Variants in RASSF5 observed in about 807,000 individuals in gnomAD.
RASSF5 encodes Ras association domain family member 5, also known as ras association domain-containing protein 5.
RASSF5 carries 25 observed loss-of-function variants against 40.5 expected under a neutral mutation model. That is an observed-to-expected ratio of 0.62 (90% CI 0.45 to 0.86). The LOEUF (loss-of-function observed/expected upper bound fraction) is 0.86, where lower values mean the gene tolerates loss of function less well. Among genes scored for constraint, RASSF5 ranks in the 40% least tolerant of loss-of-function variants. RASSF5 has a pLI of 0.00. For missense variants in RASSF5, 521 were observed against 572.8 expected (o/e 0.91, Z 0.92); for synonymous variants, 246 against 252.4 (o/e 0.97, Z 0.24).
rs1337284981 is a variant in RASSF5 at position 206,560,638 on chromosome 1, G to A, written c.579+22345G>A. ...GATCGTGTTTCTCTGGGTCAGGCATGTCACAAATGGGGCCTGGGGGAGAGC... is the reference window on the plus strand; with the variant it reads ...GATCGTGTTTCTCTGGGTCAGGCATATCACAAATGGGGCCTGGGGGAGAGC... On this transcript the variant is annotated intron_variant, in intron 2 of 5. Transcript: ENST00000579436. The surrounding 1 kb of genome is among the most constrained non-coding windows in gnomAD (Gnocchi z 5.1). 2.6e-5 allele frequency among the ~76,000 whole-genome samples: 4 copies of A among 152,238 alleles called. No homozygotes were observed. The highest frequency in any genetic ancestry group is 4.4e-5 in the Non-Finnish European group (3 of 68,042).
intron 5 of RASSF5, 100 bp downstream of exon 5, chr1:206,585,395 G>A (rs1349305964): frequency 1.2e-6 from 1 of 832,076 alleles, no homozygotes; most frequent in African/African-American, 1.7e-5. Flanking sequence ...GAGCCACGCA[G>A]CACGGGCAGG....
chr1:206,545,345 GT>G (rs10709687), intron 2 of RASSF5, among the ~76,000 whole-genome samples: 70,251 of 130,010 alleles, frequency 0.54, 19,149 homozygotes, highest in Middle Eastern at 0.63. Context: ...AATTTCTTGT[GT>G]TTTTTTTTTT....
intron 2 of RASSF5, among the ~76,000 whole-genome samples, chr1:206,582,360 G>A (rs1447836935): frequency 6.6e-6 from 1 of 152,184 alleles, no homozygotes; most frequent in African/African-American, 2.4e-5. Flanking sequence ...TCTCACAGGA[G>A]GAACACAATG....
At chr1:206,564,609 C>T (rs1173672408) in intron 2 of RASSF5, among the ~76,000 whole-genome samples, 2 of 152,128 alleles carry the variant, frequency 1.3e-5, no homozygotes, top group South Asian at 2.1e-4. Flanking sequence ...TTGGGGACCT[C>T]GATTCTCTTC....
chr1:206,542,073 A>C (rs1251882851), intron 2 of RASSF5: 1 of 152,242 alleles, frequency 6.6e-6, no homozygotes, highest in African/African-American at 2.4e-5. Context: ...CATAAGCACT[A>C]TTCCTTCTAC....
chr1:206,557,515 G>T (rs548126357), intron 2 of RASSF5: 478 of 1,604,036 alleles, frequency 3.0e-4, no homozygotes, highest in Non-Finnish European at 3.8e-4. Flanking sequence ...TCCCTCCGCC[G>T]CATCCCAAGC....
Position 206,585,209 on chromosome 1 carries a change from C to T in RASSF5, c.1018C>T (p.Arg340Cys), listed in dbSNP as rs561503861. 32 of 1,614,114 alleles carry T rather than the reference C, an allele frequency of 2.0e-5. No homozygotes were observed. The South Asian group carries it at 2.7e-4, about 14-fold the overall frequency. The stretch of plus-strand genomic sequence containing the variant: ...CTTCCAGAAACTCTCCATTGCTGAC[C>T]GCCCCCTCTACCTGCGCCTGCTTGC... The part of the protein sequence containing the change: ...VLFQKLSIAD[R>C]PLYLRLLAGP... The change falls in exon 5 of 6, where the codon CGC becomes TGC. Residue 340 changes from arginine (R) to cysteine (C), a missense_variant. Arg to Cys is a radical substitution (Grantham distance 180). Transcript: ENST00000579436.
chr1:206,538,723 A>G (rs569541533), intron 2 of RASSF5, among the ~76,000 whole-genome samples: 1 of 152,338 alleles, frequency 6.6e-6, no homozygotes, highest in South Asian at 2.1e-4. Context: ...TCCCTGTGTT[A>G]AAGAACCAGA....
intron 2 of RASSF5, among the ~76,000 whole-genome samples, chr1:206,561,457 C>T (rs1553402601): frequency 6.6e-6 from 1 of 152,122 alleles, no homozygotes; most frequent in Non-Finnish European, 1.5e-5. Flanking sequence ...GGGACATTGA[C>T]CCTACACTTG....
chr1:206,563,114 G>A (rs972630084), intron 2 of RASSF5, among the ~76,000 whole-genome samples: 2 of 152,154 alleles, frequency 1.3e-5, no homozygotes, highest in African/African-American at 4.8e-5. Flanking sequence ...GATAACACAT[G>A]GGAAGCTTGT....
Position 206,585,270 on chromosome 1 carries a change from A to C in RASSF5, c.1079A>C (p.Lys360Thr). ...ACGGAGGTCCTCAGCTTTGTGCTAAAGGAGAATGAAACTGGAGAGGTAGAG... is the reference window on the plus strand; with the variant it reads ...ACGGAGGTCCTCAGCTTTGTGCTAACGGAGAATGAAACTGGAGAGGTAGAG... ...PDTEVLSFVL[K>T]ENETGEVEWD... Residue 360 changes from lysine (K) to threonine (T), a missense_variant, in exon 5 of 6, where the codon AAG becomes ACG. Lys to Thr is a moderately conservative substitution (Grantham distance 78). Transcript: ENST00000579436. The C allele has an allele frequency of 6.2e-7, 1 of 1,614,126 alleles. No individual in the cohort carries two copies. The highest frequency in any genetic ancestry group is 8.5e-7 in the Non-Finnish European group (1 of 1,179,970).
At chr1:206,557,795 A>G in intron 2 of RASSF5, 1 of 1,344,710 alleles carries the variant, frequency 7.4e-7, no homozygotes, top group Non-Finnish European at 1.0e-6. Flanking sequence ...ACAAAGCCAC[A>G]TGTCAGGAAA....
chr1:206,581,088 T>C (rs1668855327), intron 2 of RASSF5: 2 of 152,332 alleles, frequency 1.3e-5, no homozygotes, highest in South Asian at 4.1e-4. Context: ...ATGGATTTGA[T>C]TCCAGTTCCT....
rs1271881348 is a variant in RASSF5, at chr1:206,589,222, GTCTT to G, written c.*2249_*2252del. 2 of 152,594 alleles carry G rather than the reference GTCTT, an allele frequency of 1.3e-5. No homozygotes were observed. Among genetic ancestry groups the G allele is most frequent in the African/African-American group, 4.8e-5 (2 of 41,392 alleles). 9.5% of individuals were successfully genotyped at this position (152,594 alleles called of 1,614,324 possible). ...TTTCCAGGATATTTTCTTTTTAAATGTCTTTCTTATATGGGTTTTAAAAAAAAGT... is the reference window on the plus strand; with the variant it reads ...TTTCCAGGATATTTTCTTTTTAAATGTCTTATATGGGTTTTAAAAAAAAGT... On this transcript the variant is annotated 3_prime_UTR_variant, in exon 6 of 6. Transcript: ENST00000579436.
At chr1:206,575,180 A>G (rs1218118796) in intron 2 of RASSF5, among the ~76,000 whole-genome samples, 1 of 152,088 alleles carries the variant, frequency 6.6e-6, no homozygotes, top group Admixed American at 6.5e-5. Context: ...TTGCCTGCAG[A>G]CGTTCCCATC....
chr1:206,586,687 A>T (rs1327304557), intron 5 of RASSF5, 139 bp from the exon 6 acceptor site: 4 of 706,816 alleles, frequency 5.7e-6, no homozygotes, highest in East Asian at 2.5e-5. Context: ...TCGCTGATTC[A>T]GTCTGTTCAG....
At position 206,586,937 on chromosome 1, in the gene RASSF5, C is replaced by G; in HGVS notation, c.1216C>G (p.Leu406Val). The G allele has an allele frequency of 6.2e-7, 1 of 1,614,194 alleles. No homozygotes were observed. The highest frequency in any genetic ancestry group is 8.5e-7 in the Non-Finnish European group (1 of 1,180,006). Residue 406 changes from leucine to valine, a missense_variant, in exon 6 of 6, where the codon CTG (leucine) becomes GTG (valine). Transcript: ENST00000579436. ...QKKYDKFRQK[L>V]EEALRESQGK... is the part of the protein sequence containing the mutation. ...GAAGTATGACAAGTTTAGGCAGAAA[C>G]TGGAGGAGGCCTTAAGAGAATCCCA...
intron 1 of RASSF5, chr1:206,529,107 GC>G: frequency 7.2e-7 from 1 of 1,393,860 alleles, no homozygotes; most frequent in Non-Finnish European, 9.9e-7. Context: ...AAGGCAGGGA[GC>G]CATCCTCTAC....
chr1:206,581,427 G>A (rs45618833), intron 2 of RASSF5, among the ~76,000 whole-genome samples: 26,124 of 151,954 alleles, frequency 0.17, 2,475 homozygotes, highest in Middle Eastern at 0.36. Context: ...GTGAAATCCC[G>A]TCTCTACTAA....
Sources: allele counts gnomAD v4.1 joint callset (sites outside exome capture counted in the v4.1 genomes callset), GRCh38; gene constraint gnomAD v4.1.1; non-coding constraint Gnocchi (gnomAD v3.1); transcripts MANE v1.5; gene names NCBI Gene and HGNC (gene_info 2026-07-23, HGNC 2026-07-21).